Variants in ADGRL3 observed in about 807,000 individuals in gnomAD.
The protein encoded by ADGRL3 is calcium-independent alpha-latrotoxin receptor 3.
A neutral mutation model predicts 153.5 loss-of-function variants in ADGRL3; 62 were observed. That is an observed-to-expected ratio of 0.40 (90% confidence interval 0.33 to 0.50). The LOEUF (loss-of-function observed/expected upper bound fraction) is 0.50, where lower values mean the gene tolerates loss of function less well. Among genes scored for constraint, ADGRL3 ranks in the 20% least tolerant of loss-of-function variants. ADGRL3 has a pLI of 0.47. For synonymous variants in ADGRL3, 710 were observed against 672.5 expected (o/e 1.06, Z -0.86); for missense variants, 1,641 against 1,859.4 (o/e 0.88, Z 2.16).
chr4:61,755,375 A>G (rs1213142031), intron 8 of ADGRL3, among the ~76,000 whole-genome samples: 2 of 152,070 alleles, frequency 1.3e-5, no homozygotes, highest in Non-Finnish European at 2.9e-5. Context: ...GCCAGTGATG[A>G]TGAGCATTTT....
chr4:61,583,593 T>A, intron 4 of ADGRL3: 1 of 459,120 alleles, frequency 2.2e-6, no homozygotes, highest in Non-Finnish European at 4.2e-6. Flanking sequence ...CACTTTTCAC[T>A]AGCTGTATGT....
intron 9 of ADGRL3, among the ~76,000 whole-genome samples, chr4:61,869,679 G>T (rs1390037875): frequency 1.3e-5 from 2 of 151,704 alleles, no homozygotes; most frequent in Non-Finnish European, 2.9e-5. Flanking sequence ...CAAAAGTGAG[G>T]AATAATCCCA....
At chr4:61,828,475 T>C (rs891289442) in intron 9 of ADGRL3, among the ~76,000 whole-genome samples, 1 of 152,188 alleles carries the variant, frequency 6.6e-6, no homozygotes, top group Non-Finnish European at 1.5e-5. Flanking sequence ...TTCTGTTGTT[T>C]TCCCCTGTTA....
In ADGRL3 at chr4:61,732,376, A is replaced by G. The variant is rs376285691; in HGVS notation, c.599-378A>G. 7.9e-5 allele frequency among the ~76,000 whole-genome samples: 12 copies of G among 152,302 alleles called. No individual in the cohort carries two copies. The East Asian group carries it at 1.7e-3, about 22-fold the overall frequency. Reference sequence around the variant, plus strand: ...GGAAACAATATTTTTGTTTCAAAATATGTTCTTCAATGAACTATTAAAAGT... The same window carrying G: ...GGAAACAATATTTTTGTTTCAAAATGTGTTCTTCAATGAACTATTAAAAGT... On this transcript the variant is annotated intron_variant, in intron 7 of 26. Transcript: ENST00000683033.
At chr4:61,751,624 C>A (rs746032730) in intron 8 of ADGRL3, among the ~76,000 whole-genome samples, 1 of 152,120 alleles carries the variant, frequency 6.6e-6, no homozygotes. Flanking sequence ...TTTGAAAAAA[C>A]GATTTAATTA....
intron 8 of ADGRL3, among the ~76,000 whole-genome samples, chr4:61,793,158 C>T (rs1213030395): frequency 1.3e-5 from 2 of 152,070 alleles, no homozygotes; most frequent in African/African-American, 4.8e-5. Context: ...GGTGTGGTGG[C>T]TCATGCCTGT....
chr4:61,820,168 C>T (rs2097734568), intron 9 of ADGRL3, among the ~76,000 whole-genome samples: 1 of 152,100 alleles, frequency 6.6e-6, no homozygotes, highest in South Asian at 2.1e-4. Context: ...TAACAAGTTA[C>T]AAAATACCTT....
intron 7 of ADGRL3, among the ~76,000 whole-genome samples, chr4:61,732,073 G>T (rs576896695): frequency 1.1e-4 from 16 of 151,830 alleles, no homozygotes; most frequent in Non-Finnish European, 2.2e-4. Flanking sequence ...CTAGATCTTG[G>T]GTTCTTTTCT....
At chr4:61,774,818 A>G (rs566856107) in intron 8 of ADGRL3, among the ~76,000 whole-genome samples, 11 of 152,190 alleles carry the variant, frequency 7.2e-5, no homozygotes, top group Non-Finnish European at 1.6e-4. Flanking sequence ...TGTATGGGGA[A>G]AAACCTGGTA....
At chr4:61,713,554 T>C (rs1368290627) in intron 6 of ADGRL3, among the ~76,000 whole-genome samples, 1 of 151,928 alleles carries the variant, frequency 6.6e-6, no homozygotes, top group Non-Finnish European at 1.5e-5. Flanking sequence ...TGTAAATCAG[T>C]AAATGAAAGT....
At chr4:61,669,666 A>G (rs539091242) in intron 5 of ADGRL3, among the ~76,000 whole-genome samples, 15 of 152,318 alleles carry the variant, frequency 9.8e-5, no homozygotes, top group South Asian at 2.1e-4. Flanking sequence ...CTTCTTGGGT[A>G]TACTAAGTGG....
chr4:61,683,740 A>C (rs138218371), intron 6 of ADGRL3, among the ~76,000 whole-genome samples: 49 of 152,282 alleles, frequency 3.2e-4, no homozygotes, highest in African/African-American at 1.2e-3. Context: ...CTTGGCTTTC[A>C]GGCTTTAAAC....
intron 4 of ADGRL3, among the ~76,000 whole-genome samples, chr4:61,554,597 CAG>C (rs1174289292): frequency 1.3e-5 from 2 of 151,958 alleles, no homozygotes; most frequent in Admixed American, 6.6e-5. Flanking sequence ...GTGTATGTGA[CAG>C]AGAGAGAGGG....
intron 9 of ADGRL3, among the ~76,000 whole-genome samples, chr4:61,846,435 A>G (rs1401934470): frequency 6.6e-6 from 1 of 152,166 alleles, no homozygotes; most frequent in Admixed American, 6.6e-5. Flanking sequence ...TCCACAGGTT[A>G]TCAATATTAC....
chr4:62,076,313 G>A lies in ADGRL3; in HGVS notation c.*5405G>A, dbSNP rs370469954. On this transcript the variant is annotated 3_prime_UTR_variant, in exon 27 of 27. Coordinates refer to ENST00000683033, the MANE Select transcript of ADGRL3 (RefSeq NM_001387552.1). ...GTTCTCATTTGATAATTTGTGTCCC[G>A]TTACAGTATTTCAAAGGTAAATGCA... 2.0e-5 allele frequency: 3 copies of A among 151,880 alleles called. No individual in the cohort carries two copies. The highest frequency in any genetic ancestry group is 4.4e-5 in the Non-Finnish European group (3 of 67,918). The allele number at this position is 151,880 out of a possible 1,614,324, so 9.4% of individuals were successfully genotyped here.
chr4:61,456,366 T>TATCTATATCTATATCTATATAG (rs1560663608), intron 2 of ADGRL3, among the ~76,000 whole-genome samples: 6 of 125,968 alleles, frequency 4.8e-5, no homozygotes, highest in Non-Finnish European at 6.7e-5. Context: ...TATAGAGATA[T>TATCTATATCTATATCTATATAG]AGATATATCT....
rs553370997 is a variant in ADGRL3 at position 61,403,074 on chromosome 4, CG to C, written c.-174+19888del. Reference sequence around the variant, plus strand: ...TTCCTCTTTGTGTGCACACAGGGAGCGGGAACTCTCTGGTGTCTCTTCTTAT... The same window carrying C: ...TTCCTCTTTGTGTGCACACAGGGAGCGGAACTCTCTGGTGTCTCTTCTTAT... On this transcript the variant is annotated intron_variant, in intron 2 of 26. Transcript: ENST00000683033. 6.4e-3 allele frequency among the ~76,000 whole-genome samples: 860 copies of C among 133,804 alleles called. 4 individuals are homozygous for C. The highest frequency in any genetic ancestry group is 0.022 in the African/African-American group (820 of 37,928). 87.8% of individuals were successfully genotyped at this position (133,804 alleles called of 152,430 possible).
chr4:61,323,338 C>T (rs1020593848), intron 1 of ADGRL3, among the ~76,000 whole-genome samples: 6 of 152,256 alleles, frequency 3.9e-5, no homozygotes, highest in Admixed American at 6.5e-5. Flanking sequence ...GATTAACATT[C>T]GGCTCCTCGT....
At chr4:61,434,658 G>A (rs2097422269) in intron 2 of ADGRL3, among the ~76,000 whole-genome samples, 1 of 151,990 alleles carries the variant, frequency 6.6e-6, no homozygotes, top group South Asian at 2.1e-4. Context: ...TTCATTTGCA[G>A]TAATTTTGAA....
Sources: allele counts gnomAD v4.1 joint callset (sites outside exome capture counted in the v4.1 genomes callset), GRCh38; gene constraint gnomAD v4.1.1; transcripts MANE v1.5; gene names NCBI Gene and HGNC (gene_info 2026-07-23, HGNC 2026-07-21).